The following PGBD5 variants were observed in gnomAD, a reference collection of about 807,000 sequenced individuals.
The protein encoded by PGBD5 is piggyBac transposable element derived 5.
Under a neutral mutation model 47.9 loss-of-function variants are expected in PGBD5, and 14 were observed. The observed-to-expected ratio is 0.29, with a 90% confidence interval of 0.19 to 0.46. The LOEUF is 0.46. Among genes scored for constraint, PGBD5 ranks in the 20% least tolerant of loss-of-function variants. The probability of loss-of-function intolerance (pLI) is 1.00; values close to 1 mark genes in which losing one functional copy is unlikely to be tolerated. For missense variants in PGBD5, 635 were observed against 716.0 expected, an observed-to-expected ratio of 0.89 and a Z score of 1.29; for synonymous variants, 316 against 306.3, an observed-to-expected ratio of 1.03 and a Z score of -0.33.
chr1:230,353,024 C>T (rs1458856520), intron 2 of PGBD5, among the ~76,000 whole-genome samples: 4 of 152,200 alleles, frequency 2.6e-5, no homozygotes, highest in African/African-American at 9.7e-5. Context: ...TATTTAATCA[C>T]ATGCCTTATC....
Position 230,360,938 on chromosome 1 carries a change from T to C in PGBD5, c.332-3617A>G, listed in dbSNP as rs530798329. 5.5e-4 allele frequency among the ~76,000 whole-genome samples: 84 copies of C among 152,276 alleles called. 1 individual carries two copies. The highest frequency in any genetic ancestry group is 1.9e-3 in the African/African-American group (79 of 41,558). On this transcript the variant is annotated intron_variant, in intron 1 of 6. Transcript: ENST00000391860. Reference sequence around the variant, plus strand: ...AACATCTACGTGAGGCATCATCCCATTCGGCAATTGAGGAAATGGGACCTC... The same window carrying C: ...AACATCTACGTGAGGCATCATCCCACTCGGCAATTGAGGAAATGGGACCTC...
rs115905183 is a variant in PGBD5, at chr1:230,422,825, C to T, written c.331+2773G>A. On this transcript the variant is annotated intron_variant, in intron 1 of 6. Coordinates refer to ENST00000391860, the MANE Select transcript of PGBD5 (RefSeq NM_001258311.2). Reference sequence around the variant, plus strand: ...AACTACAGAAATGTTGCTTTTAGGGCTGGCACGGGAACTAGCACTGCTTCC... The same window carrying T: ...AACTACAGAAATGTTGCTTTTAGGGTTGGCACGGGAACTAGCACTGCTTCC... 3.9e-3 allele frequency among the ~76,000 whole-genome samples: 598 copies of T among 152,168 alleles called. 3 individuals carry two copies. Among genetic ancestry groups the T allele is most frequent in the African/African-American group, 0.014 (569 of 41,514 alleles).
At chr1:230,327,736 G>A (rs1343683166) in intron 5 of PGBD5, among the ~76,000 whole-genome samples, 8 of 152,234 alleles carry the variant, frequency 5.3e-5, no homozygotes, top group South Asian at 4.1e-4. Flanking sequence ...CAGGGAGGGC[G>A]TGCGGGCCTG....
chr1:230,342,089 C>T (rs1012225160), intron 3 of PGBD5, among the ~76,000 whole-genome samples: 1 of 152,130 alleles, frequency 6.6e-6, no homozygotes, highest in African/African-American at 2.4e-5. Flanking sequence ...TCTTAGCTCT[C>T]CTGAAATGCC....
chr1:230,344,794 G>A (rs770539304), intron 3 of PGBD5, among the ~76,000 whole-genome samples: 4 of 152,158 alleles, frequency 2.6e-5, no homozygotes, highest in African/African-American at 7.2e-5. Flanking sequence ...AATGCCCAGC[G>A]TGAACCTGAA....
At chr1:230,332,053 A>ACCATACCCATAACATAG (rs1558191337) in intron 5 of PGBD5, among the ~76,000 whole-genome samples, 2 of 149,454 alleles carry the variant, frequency 1.3e-5, no homozygotes, top group Non-Finnish European at 3.0e-5. Context: ...CAGCACACAC[A>ACCATACCCATAACATAG]ACATGCCAGG....
At chr1:230,399,427 C>T (rs1442983062) in intron 1 of PGBD5, among the ~76,000 whole-genome samples, 1 of 152,206 alleles carries the variant, frequency 6.6e-6, no homozygotes, top group Non-Finnish European at 1.5e-5. Context: ...CTGATCCCCA[C>T]AGGAGGGGGC....
chr1:230,368,006 C>CCCACG, intron 1 of PGBD5: 1 of 1,367,694 alleles, frequency 7.3e-7, no homozygotes. Flanking sequence ...GGTTCTCTTC[C>CCCACG]CCACGCCACA....
intron 2 of PGBD5, among the ~76,000 whole-genome samples, chr1:230,354,095 G>C (rs1305667945): frequency 6.6e-6 from 1 of 152,212 alleles, no homozygotes; most frequent in Admixed American, 6.5e-5. Flanking sequence ...GAATGGAGGG[G>C]CACAGGTGAC....
At position 230,340,945 on chromosome 1, in the gene PGBD5, C is replaced by T. The variant is rs995339019; in HGVS notation, c.895-3657G>A. On this transcript the variant is annotated intron_variant, in intron 3 of 6. Coordinates refer to ENST00000391860, the MANE Select transcript of PGBD5 (RefSeq NM_001258311.2). The stretch of plus-strand genomic sequence containing the variant: ...AGCCAGCCTCTTCTGAAGAAGTGGA[C>T]GCTCAACTGGGATGTCACAGGAGAA... Among the ~76,000 whole-genome samples the T allele has an allele frequency of 3.3e-5, 5 of 152,164 alleles. 1 individual carries two copies. Among genetic ancestry groups the T allele is most frequent in the Admixed American group, 2.0e-4 (3 of 15,284 alleles).
At chr1:230,401,192 G>A (rs1657130448) in intron 1 of PGBD5, among the ~76,000 whole-genome samples, 1 of 152,192 alleles carries the variant, frequency 6.6e-6, no homozygotes, top group Non-Finnish European at 1.5e-5. Flanking sequence ...AGTTAAGGAC[G>A]CTGGCCTTGG....
intron 5 of PGBD5, among the ~76,000 whole-genome samples, chr1:230,327,216 A>T (rs1039094751): frequency 2.7e-5 from 4 of 147,556 alleles, no homozygotes; most frequent in African/African-American, 7.4e-5. Context: ...ATTTTTCTGT[A>T]TTTTTTTTTT....
intron 1 of PGBD5, chr1:230,367,953 C>T: frequency 7.3e-7 from 1 of 1,365,852 alleles, no homozygotes; most frequent in Non-Finnish European, 9.8e-7. Flanking sequence ...GCTGGCACAC[C>T]AAGGAGCTCA....
At chr1:230,354,937 A>G (rs1277468565) in intron 2 of PGBD5, among the ~76,000 whole-genome samples, 1 of 152,220 alleles carries the variant, frequency 6.6e-6, no homozygotes, top group Non-Finnish European at 1.5e-5. Context: ...GAGGAGAGAG[A>G]GGAGGAAGAG....
At position 230,410,399 on chromosome 1, in the gene PGBD5, C is replaced by A. The variant is rs572783623; in HGVS notation, c.331+15199G>T. 1.7e-4 allele frequency among the ~76,000 whole-genome samples: 26 copies of A among 152,222 alleles called. 1 individual carries two copies. In the South Asian group the frequency reaches 4.8e-3, roughly 28 times the overall value. ...AAATAAGAATATATATTTTTTCTTACACCTATGCCACATTTTTAAAGATTA... is the reference window on the plus strand; with the variant it reads ...AAATAAGAATATATATTTTTTCTTAAACCTATGCCACATTTTTAAAGATTA... On this transcript the variant is annotated intron_variant, in intron 1 of 6. Coordinates refer to ENST00000391860, the MANE Select transcript of PGBD5 (RefSeq NM_001258311.2).
intron 1 of PGBD5, among the ~76,000 whole-genome samples, chr1:230,405,557 T>C (rs991174396): frequency 5.9e-5 from 9 of 152,254 alleles, no homozygotes; most frequent in African/African-American, 2.2e-4. Context: ...AACAGTAGTC[T>C]GTTATTAGTT....
intron 2 of PGBD5, among the ~76,000 whole-genome samples, chr1:230,356,640 G>C (rs959422572): frequency 2.0e-5 from 3 of 152,242 alleles, no homozygotes; most frequent in African/African-American, 7.2e-5. Flanking sequence ...GGAGAAAAGA[G>C]GCGGAAGATT....
At chr1:230,422,201 C>A (rs1657664503) in intron 1 of PGBD5, among the ~76,000 whole-genome samples, 1 of 152,016 alleles carries the variant, frequency 6.6e-6, no homozygotes, top group South Asian at 2.1e-4. Flanking sequence ...TCCCAGCCAG[C>A]CATGACAAAG....
intron 1 of PGBD5, among the ~76,000 whole-genome samples, chr1:230,360,178 C>G (rs537191544): frequency 3.3e-5 from 5 of 152,320 alleles, no homozygotes; most frequent in African/African-American, 1.2e-4. Context: ...ATTTTGCCCC[C>G]CAGGCCATTT....
Sources: allele counts gnomAD v4.1 joint callset (sites outside exome capture counted in the v4.1 genomes callset), GRCh38; gene constraint gnomAD v4.1.1; transcripts MANE v1.5; gene names NCBI Gene and HGNC (gene_info 2026-07-23, HGNC 2026-07-21).